Variants in MIGA2 observed in about 807,000 individuals in gnomAD.
The protein encoded by MIGA2 is family with sequence similarity 73, member B.
Under a neutral mutation model 69.9 loss-of-function variants are expected in MIGA2, and 36 were observed. That is an observed-to-expected ratio of 0.52 (90% CI 0.39 to 0.68). MIGA2 has a LOEUF of 0.68. MIGA2 is among the 30% of genes least tolerant of loss of function. The pLI, the probability that MIGA2 is intolerant of heterozygous loss-of-function variation, is 0.00. For synonymous variants in MIGA2, 333 were observed against 349.2 expected (o/e 0.95, Z 0.52); for missense variants, 660 against 787.7 (o/e 0.84, Z 1.94).
intron 6 of MIGA2, among the ~76,000 whole-genome samples, chr9:129,052,425 C>T (rs1366222902): frequency 6.6e-6 from 1 of 151,952 alleles, no homozygotes; most frequent in Non-Finnish European, 1.5e-5. Context: ...ACCCAGCCTA[C>T]AGTGAATATT....
chr9:129,057,148 A>G (rs1845838614), intron 6 of MIGA2, among the ~76,000 whole-genome samples: 1 of 152,166 alleles, frequency 6.6e-6, no homozygotes. Context: ...TCTCTTCCAT[A>G]CTAATAAATG....
rs1253584199 is a variant in MIGA2, at chr9:129,054,705, TGTATA to T, written c.676-4447_676-4443del. On this transcript the variant is annotated intron_variant, in intron 6 of 15. Coordinates refer to ENST00000684074, the MANE Select transcript of MIGA2 (RefSeq NM_001329990.2). ...GCATGAATCACTGTTTTGTTTCTGT[TGTATA>T]GATGGACCACATTTTGTTTATTTGT... Among the ~76,000 whole-genome samples, 9 of 152,316 alleles carry T rather than the reference TGTATA, an allele frequency of 5.9e-5. 1 individual carries two copies. The highest frequency in any genetic ancestry group is 1.9e-4 in the African/African-American group (8 of 41,580).
intron 1 of MIGA2, among the ~76,000 whole-genome samples, chr9:129,037,472 G>T (rs1360764688): frequency 6.6e-6 from 1 of 152,188 alleles, no homozygotes; most frequent in Non-Finnish European, 1.5e-5. Context: ...CTTGCCGTGG[G>T]CTTTTCATTG....
intron 11 of MIGA2, 118 bp downstream of exon 11, chr9:129,063,749 C>T (rs573075362): frequency 1.6e-5 from 15 of 913,220 alleles, no homozygotes; most frequent in South Asian, 8.0e-5. Flanking sequence ...CCTCCTACTC[C>T]GTTCTGTAGA....
At chr9:129,049,179 C>T (rs1186610240) in intron 4 of MIGA2, among the ~76,000 whole-genome samples, 1 of 152,150 alleles carries the variant, frequency 6.6e-6, no homozygotes, top group East Asian at 1.9e-4. Context: ...GCTTTGGTGG[C>T]TTCTTTCTAT....
chr9:129,067,755 C>A lies in MIGA2; in HGVS notation c.1171-18C>A. 1 of 1,599,226 alleles carries A rather than the reference C, an allele frequency of 6.3e-7. No homozygotes were observed. Among genetic ancestry groups the A allele is most frequent in the Non-Finnish European group, 8.5e-7 (1 of 1,172,320 alleles). On this transcript the variant is annotated intron_variant, in intron 11 of 15. Coordinates refer to ENST00000684074, the MANE Select transcript of MIGA2 (RefSeq NM_001329990.2). ...GGTCTTGTCCAGTGACCAGGATGGG[C>A]CGTGCTTCTCTCCACAGAGCCCCAA...
At chr9:129,055,967 G>A (rs978803732) in intron 6 of MIGA2, among the ~76,000 whole-genome samples, 5 of 151,634 alleles carry the variant, frequency 3.3e-5, no homozygotes, top group African/African-American at 1.2e-4. Flanking sequence ...TGGGCAACAT[G>A]GTGAGATCCT....
Position 129,068,928 on chromosome 9 carries a change from A to G in MIGA2, c.1405-148A>G, listed in dbSNP as rs1229366288. The G allele has an allele frequency of 1.2e-6, 1 of 810,760 alleles. No homozygotes were observed. The highest frequency in any genetic ancestry group is 2.1e-6 in the Non-Finnish European group (1 of 477,960). The allele number at this position is 810,760 out of a possible 1,614,324, so 50.2% of individuals were successfully genotyped here. A position where few individuals can be genotyped will look rare whatever the true frequency, so the allele number is the denominator to read the frequency against. The stretch of plus-strand genomic sequence containing the variant: ...TGTCTGAGTCCAAAATCAGAGGAGG[A>G]AGCAGCAGAGCTTAGGCACCTGGCC... On this transcript the variant is annotated intron_variant, in intron 13 of 15. Coordinates refer to ENST00000684074, the MANE Select transcript of MIGA2 (RefSeq NM_001329990.2). The surrounding 1 kb of genome is among the most constrained non-coding windows in gnomAD (Gnocchi z 4.1).
In MIGA2 at chr9:129,068,190, C is replaced by T. The variant is rs761880130; in HGVS notation, c.1270-8C>T. ...CATGCATGAGCCTCCCGGGGGCACC[C>T]TCTGTAGGTGGTATGCATGAGCTTC... On this transcript the variant is annotated splice_polypyrimidine_tract_variant and splice_region_variant and intron_variant, in intron 12 of 15. Transcript: ENST00000684074. The surrounding 1 kb of genome is among the most constrained non-coding windows in gnomAD (Gnocchi z 4.1). 6.2e-7 allele frequency: 1 copy of T among 1,613,726 alleles called. No homozygotes were observed. The highest frequency in any genetic ancestry group is 8.5e-7 in the Non-Finnish European group (1 of 1,180,000).
chr9:129,059,695 C>T lies in MIGA2; in HGVS notation c.793+424C>T, dbSNP rs1412831309. On this transcript the variant is annotated intron_variant, in intron 7 of 15. Coordinates refer to ENST00000684074, the MANE Select transcript of MIGA2 (RefSeq NM_001329990.2). The surrounding 1 kb of genome is among the most constrained non-coding windows in gnomAD (Gnocchi z 5.6). Reference sequence around the variant, plus strand: ...GAACAGAAGTTCCTGTTGTTGGGTGCGCTGAGGTGAAATGATGTGACATAC... The same window carrying T: ...GAACAGAAGTTCCTGTTGTTGGGTGTGCTGAGGTGAAATGATGTGACATAC... 3.9e-5 allele frequency among the ~76,000 whole-genome samples: 6 copies of T among 152,156 alleles called. No individual in the cohort carries two copies. The highest frequency in any genetic ancestry group is 2.1e-4 in the South Asian group (1 of 4,834).
chr9:129,056,794 A>G (rs934311184), intron 6 of MIGA2, among the ~76,000 whole-genome samples: 3 of 152,110 alleles, frequency 2.0e-5, no homozygotes, highest in South Asian at 2.1e-4. Flanking sequence ...CTGGGATTAC[A>G]GGCATGAGCC....
intron 6 of MIGA2, among the ~76,000 whole-genome samples, chr9:129,058,340 T>C (rs1845895106): frequency 1.3e-5 from 2 of 151,334 alleles, no homozygotes; most frequent in Non-Finnish European, 2.9e-5. Context: ...GAGGTTGAGA[T>C]TGTGGTTAGA....
In MIGA2 at chr9:129,047,724, A is replaced by G. The variant is rs548968815; in HGVS notation, c.308-703A>G. 5.3e-5 allele frequency among the ~76,000 whole-genome samples: 8 copies of G among 151,188 alleles called. No individual in the cohort carries two copies. In the South Asian group the frequency reaches 1.5e-3, roughly 28 times the overall value. On this transcript the variant is annotated intron_variant, in intron 3 of 15. Transcript: ENST00000684074. ...CACCCAGCCCATCCTAAAAAAATTT[A>G]TATATATATATGTATATATATTTGA...
chr9:129,068,459 C>A lies in MIGA2; in HGVS notation c.1404+127C>A, dbSNP rs539426540. On this transcript the variant is annotated intron_variant, in intron 13 of 15. Coordinates refer to ENST00000684074, the MANE Select transcript of MIGA2 (RefSeq NM_001329990.2). This position sits in a 1 kb window ranked among gnomAD's most constrained non-coding sequence, Gnocchi z 4.1. ...CCCCCACCCCCTAGATCCGCGGCTG[C>A]CAGGCCTGGGAGACCAGAGTCTGCC... The A allele has an allele frequency of 8.8e-6, 12 of 1,358,702 alleles. No individual in the cohort carries two copies. In the African/African-American group the frequency reaches 1.4e-4, roughly 16 times the overall value. 84.2% of individuals were successfully genotyped at this position (1,358,702 alleles called of 1,614,324 possible).
intron 11 of MIGA2, among the ~76,000 whole-genome samples, chr9:129,065,066 A>G (rs1364485140): frequency 1.3e-5 from 2 of 151,158 alleles, no homozygotes; most frequent in Admixed American, 1.3e-4. Flanking sequence ...TATAGATGTG[A>G]GCCACCACAC....
intron 4 of MIGA2, 32 bp downstream of exon 4, chr9:129,048,571 C>T: frequency 6.4e-7 from 1 of 1,571,422 alleles, no homozygotes; most frequent in African/African-American, 1.3e-5. Context: ...TCCAGGGCTC[C>T]AGGTCCGGGC....
intron 3 of MIGA2, among the ~76,000 whole-genome samples, chr9:129,047,411 A>G (rs1845283328): frequency 6.8e-6 from 1 of 147,898 alleles, no homozygotes; most frequent in Admixed American, 6.8e-5. Flanking sequence ...CCTTTGGTGC[A>G]TTTCATTAAA....
Sources: gnomAD v4.1 joint callset for allele counts (sites outside exome capture counted in the v4.1 genomes callset) on GRCh38, gnomAD v4.1.1 for gene constraint, Gnocchi (gnomAD v3.1) non-coding constraint, MANE v1.5 for transcripts, NCBI Gene and HGNC (gene_info 2026-07-23, HGNC 2026-07-21) for gene names.